Variants in ZDHHC24 observed in about 807,000 individuals in gnomAD.
ZDHHC24 encodes the protein zDHHC palmitoyltransferase 24.
Under a neutral mutation model 23.2 loss-of-function variants are expected in ZDHHC24, and 17 were observed. The ratio of observed to expected loss-of-function variants is 0.73; its 90% CI spans 0.50 to 1.10. The LOEUF (loss-of-function observed/expected upper bound fraction) is 1.10, where lower values mean the gene tolerates loss of function less well. ZDHHC24 is among the 50% of genes least tolerant of loss of function. ZDHHC24 has a pLI of 0.00. For missense variants in ZDHHC24, 366 were observed against 393.0 expected, an observed-to-expected ratio of 0.93 and a Z score of 0.58; for synonymous variants, 186 against 194.5, an observed-to-expected ratio of 0.96 and a Z score of 0.36.
chr11:66,526,364 C>G (rs1163533214), intron 4 of ZDHHC24, among the ~76,000 whole-genome samples: 2 of 152,216 alleles, frequency 1.3e-5, no homozygotes, highest in Admixed American at 6.5e-5. Flanking sequence ...AGCCCAAGGG[C>G]TGGGTCCTGG....
intron 4 of ZDHHC24, chr11:66,522,708 G>A (rs1205245182): frequency 5.5e-6 from 1 of 181,924 alleles, no homozygotes; most frequent in African/African-American, 2.4e-5. Context: ...TATGCAGTGT[G>A]TGGTATTAGG....
chr11:66,524,493 G>A (rs919166908), intron 4 of ZDHHC24, among the ~76,000 whole-genome samples: 1 of 151,896 alleles, frequency 6.6e-6, no homozygotes, highest in Admixed American at 6.6e-5. Flanking sequence ...TGGGGGGTGA[G>A]ATAAATGGGG....
chr11:66,522,652 G>A (rs1856295080), intron 4 of ZDHHC24, among the ~76,000 whole-genome samples: 1 of 152,074 alleles, frequency 6.6e-6, no homozygotes, highest in Non-Finnish European at 1.5e-5. Context: ...GGCCTAACAT[G>A]CATTTTTTTA....
chr11:66,525,588 A>G (rs1175296296), intron 4 of ZDHHC24, among the ~76,000 whole-genome samples: 2 of 152,186 alleles, frequency 1.3e-5, no homozygotes, highest in African/African-American at 2.4e-5. Flanking sequence ...TCACAAGTGA[A>G]ACTGTGTATG....
downstream of ZDHHC24, chr11:66,531,652 T>G: frequency 6.2e-7 from 1 of 1,614,014 alleles, no homozygotes; most frequent in South Asian, 1.1e-5. Context: ...GTCCCCAAAC[T>G]TAGGTACCCT....
Position 66,539,390 on chromosome 11 carries a change from C to CGGGCAG in ZDHHC24, c.*133_*138dup. 2 of 1,372,680 alleles carry CGGGCAG rather than the reference C, an allele frequency of 1.5e-6. No individual in the cohort carries two copies. The highest frequency in any genetic ancestry group is 1.9e-6 in the Non-Finnish European group (2 of 1,066,280). The allele number at this position is 1,372,680 out of a possible 1,614,324, so 85.0% of individuals were successfully genotyped here. On this transcript the variant is annotated 3_prime_UTR_variant, in exon 3 of 3. Transcript: ENST00000310442. ...AGCCCTGGACACGTAGGAGTGTAGGCGGGCAGGGGCAAGGCCAAGGAAGGG... is the reference window on the plus strand; with the variant it reads ...AGCCCTGGACACGTAGGAGTGTAGGCGGGCAGGGGCAGGGGCAAGGCCAAGGAAGGG...
At chr11:66,523,507 A>C (rs1160427010) in intron 4 of ZDHHC24, 1 of 1,614,016 alleles carries the variant, frequency 6.2e-7, no homozygotes, top group South Asian at 1.1e-5. Context: ...AGCCTGTGGG[A>C]CTTATCCGGG....
At chr11:66,541,361 C>T (rs1857145437) in intron 2 of ZDHHC24, among the ~76,000 whole-genome samples, 1 of 151,086 alleles carries the variant, frequency 6.6e-6, no homozygotes, top group Admixed American at 6.6e-5. Flanking sequence ...CGAGATCGCG[C>T]TATTGCACTC....
At position 66,529,978 on chromosome 11, in the gene ZDHHC24, CAG is replaced by C. The variant is rs776820732; in HGVS notation, c.560-492_560-491del. 1.0e-5 allele frequency: 16 copies of C among 1,589,792 alleles called. No individual in the cohort carries two copies. In the East Asian group the frequency reaches 3.4e-4, roughly 34 times the overall value. On this transcript the variant is annotated intron_variant, in intron 2 of 4. Coordinates refer to the ZDHHC24 transcript ENST00000526986. ...GTGAGCATCTGGGTGAGGGCAGAGT[CAG>C]GGCCAGAGGGGCAGAGGCCAGGATG...
At position 66,536,936 on chromosome 11, in the gene ZDHHC24, C is replaced by T. The variant is rs1856987292; in HGVS notation, c.*2593G>A. ...GTGGAGGGCGAGGGATGAAACAGGA[C>T]AAGGTGAGTCTGCTAATGCGTCTGT... On this transcript the variant is annotated 3_prime_UTR_variant, in exon 3 of 3. Transcript: ENST00000310442. 2 of 151,922 alleles carry T rather than the reference C, an allele frequency of 1.3e-5. No homozygotes were observed. Among genetic ancestry groups the T allele is most frequent in the Admixed American group, 1.3e-4 (2 of 15,258 alleles). The allele number at this position is 151,922 out of a possible 1,614,324, so 9.4% of individuals were successfully genotyped here.
chr11:66,524,194 C>T (rs1254166037), intron 4 of ZDHHC24: 3 of 387,696 alleles, frequency 7.7e-6, no homozygotes, highest in Non-Finnish European at 1.5e-5. Context: ...GTAGGAGAAT[C>T]GCTTGAGCCT....
rs377257187 is a variant in ZDHHC24 at position 66,538,381 on chromosome 11, G to C, written c.*1148C>G. 3.3e-4 allele frequency: 50 copies of C among 150,708 alleles called. 1 individual carries two copies. The highest frequency in any genetic ancestry group is 1.2e-3 in the African/African-American group (49 of 40,946). 9.3% of individuals were successfully genotyped at this position (150,708 alleles called of 1,614,324 possible). ...CATTGCACTCCTGCCTGAGCAACAAGAGCAAAACTCCGTCTCAAAAAAGAA... is the reference window on the plus strand; with the variant it reads ...CATTGCACTCCTGCCTGAGCAACAACAGCAAAACTCCGTCTCAAAAAAGAA... On this transcript the variant is annotated 3_prime_UTR_variant, in exon 3 of 3. Coordinates refer to ENST00000310442, the MANE Select transcript of ZDHHC24 (RefSeq NM_207340.3).
In ZDHHC24 at chr11:66,529,943, G is replaced by T. The variant is rs1239688580; in HGVS notation, c.560-455C>A. ...CGACAGCCCGAGAGCCACTCAAGCTGCACGCCGTGGTGAGCATCTGGGTGA... is the reference window on the plus strand; with the variant it reads ...CGACAGCCCGAGAGCCACTCAAGCTTCACGCCGTGGTGAGCATCTGGGTGA... On this transcript the variant is annotated intron_variant, in intron 2 of 4. Transcript: ENST00000526986. 6.2e-7 allele frequency: 1 copy of T among 1,602,204 alleles called. No individual in the cohort carries two copies. The highest frequency in any genetic ancestry group is 8.5e-7 in the Non-Finnish European group (1 of 1,179,100).
downstream of ZDHHC24, chr11:66,530,928 T>A (rs778225393): frequency 8.7e-6 from 14 of 1,614,170 alleles, no homozygotes; most frequent in Non-Finnish European, 1.2e-5. Flanking sequence ...AAGCTCACAC[T>A]TCACCTGCAG....
intron 4 of ZDHHC24, chr11:66,524,070 A>C: frequency 1.2e-6 from 1 of 817,314 alleles, no homozygotes; most frequent in African/African-American, 1.7e-5. Context: ...ACCTGAGGTA[A>C]GGAGTTCAAA....
rs1005610553 is a variant in ZDHHC24, at chr11:66,537,557, C to G, written c.*1972G>C. On this transcript the variant is annotated 3_prime_UTR_variant, in exon 3 of 3. Coordinates refer to ENST00000310442, the MANE Select transcript of ZDHHC24 (RefSeq NM_207340.3). ...TCTTTGAAAATGTCAGCCAGGCGGCCGGGCACGGTGGCTCACACCTGTAAT... is the reference window on the plus strand; with the variant it reads ...TCTTTGAAAATGTCAGCCAGGCGGCGGGGCACGGTGGCTCACACCTGTAAT... 1 of 152,038 alleles carries G rather than the reference C, an allele frequency of 6.6e-6. No homozygotes were observed. Among genetic ancestry groups the G allele is most frequent in the African/African-American group, 2.4e-5 (1 of 41,366 alleles). 9.4% of individuals were successfully genotyped at this position (152,038 alleles called of 1,614,324 possible).
At position 66,523,483 on chromosome 11, in the gene ZDHHC24, C is replaced by T. The variant is rs746775716; in HGVS notation, c.*22-2017G>A. On this transcript the variant is annotated intron_variant, in intron 4 of 4. Transcript: ENST00000526986. The stretch of plus-strand genomic sequence containing the variant: ...ACTCCAAGCACCCCAAGTACTGCAT[C>T]GAGCTGAGCGCCCAGCCTGTGGGAC... 105 of 1,613,984 alleles carry T rather than the reference C, an allele frequency of 6.5e-5. No individual in the cohort carries two copies. The highest frequency in any genetic ancestry group is 8.0e-5 in the Non-Finnish European group (94 of 1,180,008).
chr11:66,530,863 T>A (rs1308786326), downstream of ZDHHC24: 5 of 1,614,078 alleles, frequency 3.1e-6, no homozygotes, highest in Non-Finnish European at 4.2e-6. Context: ...TGCCAGGTCC[T>A]AAGGGCTTTC....
intron 2 of ZDHHC24, 96 bp downstream of exon 2, chr11:66,543,608 C>T (rs1857214876): frequency 1.4e-6 from 2 of 1,435,240 alleles, no homozygotes; most frequent in Non-Finnish European, 1.8e-6. Context: ...CTGGGTCCCC[C>T]AGGCCAGAAA....
Sources: allele counts gnomAD v4.1 joint callset (sites outside exome capture counted in the v4.1 genomes callset), GRCh38; gene constraint gnomAD v4.1.1; transcripts MANE v1.5; gene names NCBI Gene and HGNC (gene_info 2026-07-23, HGNC 2026-07-21).